The following PTPRM variants were observed in gnomAD, a reference collection of about 807,000 sequenced individuals.
PTPRM encodes receptor-type tyrosine-protein phosphatase mu.
PTPRM carries 47 observed loss-of-function variants against 186.7 expected under a neutral mutation model. The observed-to-expected ratio is 0.25, with a 90% CI of 0.20 to 0.32. The LOEUF (loss-of-function observed/expected upper bound fraction) is 0.32. PTPRM is among the 10% of genes least tolerant of loss of function. PTPRM has a pLI of 1.00. For missense variants in PTPRM, 1,494 were observed against 1,865.0 expected, an observed-to-expected ratio of 0.80 and a Z score of 3.66; for synonymous variants, 668 against 674.9, an observed-to-expected ratio of 0.99 and a Z score of 0.16.
intron 1 of PTPRM, among the ~76,000 whole-genome samples, chr18:7,620,333 T>A (rs900193274): frequency 6.6e-6 from 1 of 152,208 alleles, no homozygotes; most frequent in African/African-American, 2.4e-5. Context: ...TTGCATGGTA[T>A]CTTGGTGGGA....
intron 14 of PTPRM, among the ~76,000 whole-genome samples, chr18:8,148,626 A>G (rs1310719144): frequency 2.0e-5 from 3 of 151,874 alleles, no homozygotes; most frequent in Non-Finnish European, 4.4e-5. Flanking sequence ...ATTTTTTTGA[A>G]GGGTTTTTCG....
At chr18:7,891,523 G>A (rs2049080722) in intron 3 of PTPRM, among the ~76,000 whole-genome samples, 1 of 152,124 alleles carries the variant, frequency 6.6e-6, no homozygotes, top group Non-Finnish European at 1.5e-5. Flanking sequence ...GTAGTTTAAA[G>A]CATATGGCCT....
chr18:7,731,318 G>A (rs1032892879), intron 1 of PTPRM, among the ~76,000 whole-genome samples: 12 of 152,128 alleles, frequency 7.9e-5, no homozygotes, highest in Non-Finnish European at 1.5e-4. Flanking sequence ...TATAGCAATG[G>A]AGAAGTATTC....
chr18:7,772,369 T>TTCTTTC (rs1555673372), intron 1 of PTPRM, among the ~76,000 whole-genome samples: 20 of 100,282 alleles, frequency 2.0e-4, no homozygotes, highest in African/African-American at 5.6e-4. Flanking sequence ...CTTTCTTTCT[T>TTCTTTC]TCTTTCTTTC....
chr18:8,128,159 A>G (rs2092418379), intron 13 of PTPRM, among the ~76,000 whole-genome samples: 3 of 152,208 alleles, frequency 2.0e-5, no homozygotes, highest in Non-Finnish European at 4.4e-5. Flanking sequence ...TAAATAAAAG[A>G]TGGCTAAACT....
intron 19 of PTPRM, among the ~76,000 whole-genome samples, chr18:8,256,159 C>G (rs2094572901): frequency 6.6e-6 from 1 of 152,126 alleles, no homozygotes; most frequent in South Asian, 2.1e-4. Context: ...TAACACCCAC[C>G]CAGAGTCAAG....
intron 19 of PTPRM, among the ~76,000 whole-genome samples, chr18:8,294,570 T>C (rs1014751792): frequency 2.6e-5 from 4 of 152,112 alleles, no homozygotes; most frequent in Admixed American, 6.5e-5. Flanking sequence ...GGAACTACAA[T>C]TGAAGATGAG....
intron 1 of PTPRM, among the ~76,000 whole-genome samples, chr18:7,761,855 G>A (rs887481168): frequency 1.1e-4 from 16 of 152,286 alleles, no homozygotes; most frequent in Middle Eastern, 3.4e-3. Context: ...GATAAAAAAG[G>A]CAAAACTCTA....
intron 1 of PTPRM, among the ~76,000 whole-genome samples, chr18:7,724,014 A>G (rs1348311373): frequency 6.6e-6 from 1 of 151,572 alleles, no homozygotes; most frequent in Non-Finnish European, 1.5e-5. Flanking sequence ...CTGAATTCCT[A>G]ATGATTTACC....
At chr18:8,099,171 T>C (rs1368776098) in intron 11 of PTPRM, among the ~76,000 whole-genome samples, 2 of 149,550 alleles carry the variant, frequency 1.3e-5, no homozygotes, top group African/African-American at 5.0e-5. Context: ...CTCTCTCTCT[T>C]TCTCTCACTT....
chr18:7,674,756 C>T, intron 1 of PTPRM, among the ~76,000 whole-genome samples: 1 of 152,190 alleles, frequency 6.6e-6, no homozygotes, highest in East Asian at 1.9e-4. Flanking sequence ...GAATCAGACA[C>T]TGGTAGAAAT....
At chr18:7,577,427 A>G (rs952744009) in intron 1 of PTPRM, among the ~76,000 whole-genome samples, 1 of 152,312 alleles carries the variant, frequency 6.6e-6, no homozygotes, top group South Asian at 2.1e-4. Context: ...TAAAGGAACC[A>G]TGGTATCACC....
chr18:8,336,324 T>C (rs987549127), intron 22 of PTPRM, among the ~76,000 whole-genome samples: 44 of 152,096 alleles, frequency 2.9e-4, no homozygotes, highest in Admixed American at 2.6e-4. Flanking sequence ...TTTGAGATGA[T>C]GAGGCAGGCA....
intron 1 of PTPRM, among the ~76,000 whole-genome samples, chr18:7,569,887 A>G (rs774128054): frequency 3.3e-5 from 5 of 152,236 alleles, no homozygotes; most frequent in Non-Finnish European, 5.9e-5. Context: ...CTATCTAGAA[A>G]GCCAGAGTTA....
At chr18:8,174,302 C>T (rs2093449661) in intron 14 of PTPRM, among the ~76,000 whole-genome samples, 1 of 152,078 alleles carries the variant, frequency 6.6e-6, no homozygotes, top group Non-Finnish European at 1.5e-5. Flanking sequence ...AAATGTCTCC[C>T]AAAGTTAGCT....
intron 14 of PTPRM, among the ~76,000 whole-genome samples, chr18:8,203,425 G>C (rs963840739): frequency 3.3e-5 from 5 of 152,184 alleles, no homozygotes; most frequent in Non-Finnish European, 7.3e-5. Context: ...ATTAAAGGAA[G>C]AAATGCTGGG....
chr18:8,124,874 A>T (rs1354970589), intron 13 of PTPRM, among the ~76,000 whole-genome samples: 2 of 152,120 alleles, frequency 1.3e-5, no homozygotes, highest in African/African-American at 4.8e-5. Flanking sequence ...AACTGTGCTG[A>T]CATCTTGCCC....
Position 7,801,649 on chromosome 18 carries a change from C to G in PTPRM, c.196+27378C>G, listed in dbSNP as rs988213838. Among the ~76,000 whole-genome samples, 3 of 152,102 alleles carry G rather than the reference C, an allele frequency of 2.0e-5. No individual in the cohort carries two copies. In the South Asian group the frequency reaches 6.2e-4, roughly 32 times the overall value. ...CAAGTATTATGTACTGTACATGATG[C>G]ATGTTCTGTATTTTTACATGACTCG... On this transcript the variant is annotated intron_variant, in intron 2 of 32. Coordinates refer to ENST00000580170, the MANE Select transcript of PTPRM (RefSeq NM_001105244.2).
chr18:7,885,323 C>T (rs1041170120), intron 2 of PTPRM, among the ~76,000 whole-genome samples: 3 of 152,112 alleles, frequency 2.0e-5, no homozygotes, highest in African/African-American at 7.2e-5. Context: ...GTTCTTCACC[C>T]GTTCTTACAG....
Sources: allele counts gnomAD v4.1 joint callset (sites outside exome capture counted in the v4.1 genomes callset), GRCh38; gene constraint gnomAD v4.1.1; transcripts MANE v1.5; gene names NCBI Gene and HGNC (gene_info 2026-07-23, HGNC 2026-07-21).